The following GPR146 variants were observed in gnomAD, a reference collection of about 807,000 sequenced individuals.
The protein encoded by GPR146 is G protein-coupled receptor 146.
For missense variants in GPR146, 381 were observed against 213.9 expected (o/e 1.78, Z -4.87); for synonymous variants, 203 against 104.3 (o/e 1.95, Z -5.77).
chr7:1,053,391 C>A (rs779515966), intron 1 of GPR146, among the ~76,000 whole-genome samples: 1 of 152,256 alleles, frequency 6.6e-6, no homozygotes, highest in Admixed American at 6.5e-5. Context: ...AGCTCAGTGA[C>A]AGGGAGCTGG....
At chr7:1,049,299 T>C (rs1405620236) in intron 1 of GPR146, among the ~76,000 whole-genome samples, 1 of 152,250 alleles carries the variant, frequency 6.6e-6, no homozygotes, top group Admixed American at 6.5e-5. Context: ...GCCAAAGATC[T>C]GCAGGCGTCA....
At chr7:1,050,590 C>T (rs538302396) in intron 1 of GPR146, among the ~76,000 whole-genome samples, 5 of 152,346 alleles carry the variant, frequency 3.3e-5, no homozygotes, top group African/African-American at 9.6e-5. Context: ...TGCAGGCGGA[C>T]GGACGCGGGA....
chr7:1,046,783 T>C lies in GPR146; in HGVS notation c.-25+2125T>C, dbSNP rs181091668. Among the ~76,000 whole-genome samples, 12 of 152,284 alleles carry C rather than the reference T, an allele frequency of 7.9e-5. No individual in the cohort carries two copies. In the East Asian group the frequency reaches 2.3e-3, roughly 29 times the overall value. On this transcript the variant is annotated intron_variant, in intron 1 of 1. Coordinates refer to ENST00000444847, the MANE Select transcript of GPR146 (RefSeq NM_001303473.2). ...GTCCCTTCCTGCAAAGGCCAAGGAC[T>C]TTCCCCATTTTAATTGGAACCAAAG...
In GPR146 at chr7:1,044,638, C is replaced by G. The variant is rs997553018; in HGVS notation, c.-45C>G. On this transcript the variant is annotated 5_prime_UTR_variant, in exon 1 of 2. Transcript: ENST00000444847. ...GCTGCCCGCCCGGCGGCGACTGCGC[C>G]GGCCGCCGCCCAGCAAGCCGGTGAG... The G allele has an allele frequency of 6.6e-5, 10 of 151,772 alleles. No homozygotes were observed. The highest frequency in any genetic ancestry group is 1.5e-4 in the Non-Finnish European group (10 of 67,906). 9.4% of individuals were successfully genotyped at this position (151,772 alleles called of 1,614,324 possible).
intron 1 of GPR146, among the ~76,000 whole-genome samples, chr7:1,046,084 A>AC (rs1782549408): frequency 6.6e-6 from 1 of 152,140 alleles, no homozygotes; most frequent in Admixed American, 6.5e-5. Flanking sequence ...TATGTCTATC[A>AC]TACAATGAAT....
chr7:1,055,680 G>A (rs1156554929), intron 1 of GPR146, among the ~76,000 whole-genome samples: 4 of 152,188 alleles, frequency 2.6e-5, no homozygotes, highest in Non-Finnish European at 4.4e-5. Flanking sequence ...GAGGGGTCCC[G>A]GCCCTTGGCA....
At chr7:1,051,133 C>T (rs1783073866) in intron 1 of GPR146, among the ~76,000 whole-genome samples, 1 of 152,244 alleles carries the variant, frequency 6.6e-6, no homozygotes, top group Admixed American at 6.5e-5. Flanking sequence ...GCTCCCAGGC[C>T]CTACAAGCAG....
At chr7:1,054,332 A>T (rs77868187) in intron 1 of GPR146, among the ~76,000 whole-genome samples, 3 of 152,190 alleles carry the variant, frequency 2.0e-5, no homozygotes, top group Non-Finnish European at 4.4e-5. Context: ...GGTGAACTGC[A>T]CAGAGAGCAA....
In GPR146 at chr7:1,057,492, G is replaced by T; in HGVS notation, c.-24G>T. On this transcript the variant is annotated splice_region_variant and 5_prime_UTR_variant, in exon 2 of 2. Coordinates refer to ENST00000444847, the MANE Select transcript of GPR146 (RefSeq NM_001303473.2). ...GACCACCTGTTCCTTCTTTCCGCAG[G>T]GTCGCGGAGCCTCGCCGGCCGCCAT... is the stretch of plus-strand genomic sequence containing the variant. 1 of 743,784 alleles carries T rather than the reference G, an allele frequency of 1.3e-6. No individual in the cohort carries two copies. 46.1% of individuals were successfully genotyped at this position (743,784 alleles called of 1,614,324 possible).
intron 1 of GPR146, chr7:1,056,944 C>T (rs944726896): frequency 6.4e-6 from 1 of 155,730 alleles, no homozygotes; most frequent in Non-Finnish European, 1.4e-5. Context: ...TCAAGACTGG[C>T]TATGTCCCCA....
chr7:1,046,976 G>A (rs1782640613), intron 1 of GPR146, among the ~76,000 whole-genome samples: 1 of 152,204 alleles, frequency 6.6e-6, no homozygotes, highest in Non-Finnish European at 1.5e-5. Context: ...GAGGAGCCCC[G>A]GCAGGTGCCA....
At chr7:1,049,841 G>A (rs187917702) in intron 1 of GPR146, among the ~76,000 whole-genome samples, 5 of 152,308 alleles carry the variant, frequency 3.3e-5, no homozygotes, top group Admixed American at 6.5e-5. Context: ...TGACAGAGAA[G>A]CCACCAAGGT....
At chr7:1,055,586 A>T (rs986661156) in intron 1 of GPR146, 4 of 378,882 alleles carry the variant, frequency 1.1e-5, no homozygotes, top group Non-Finnish European at 2.1e-5. Flanking sequence ...CACAGGTGGG[A>T]GAGAGGACGC....
At chr7:1,051,068 A>G (rs908653357) in intron 1 of GPR146, among the ~76,000 whole-genome samples, 1 of 152,058 alleles carries the variant, frequency 6.6e-6, no homozygotes. Flanking sequence ...CCCAGAGGCC[A>G]CCCCTGCGTC....
chr7:1,048,260 C>T (rs1369925627), intron 1 of GPR146, among the ~76,000 whole-genome samples: 2 of 152,184 alleles, frequency 1.3e-5, no homozygotes, highest in African/African-American at 4.8e-5. Context: ...TTGCCGGCCC[C>T]AGCTCTGACA....
chr7:1,057,087 A>G (rs1394500404), intron 1 of GPR146, among the ~76,000 whole-genome samples: 1 of 151,996 alleles, frequency 6.6e-6, no homozygotes, highest in Non-Finnish European at 1.5e-5. Flanking sequence ...GACCGTCCAC[A>G]TTGCCTGTCC....
Position 1,058,708 on chromosome 7 carries a change from C to A in GPR146, c.*191C>A, listed in dbSNP as rs1583617395. On this transcript the variant is annotated 3_prime_UTR_variant, in exon 2 of 2. Transcript: ENST00000444847. ...AGGCTGTGGTCCCCGTGGCTGGCAT[C>A]TGGCTTGAGTCTCCCCGAGGCCTGT... 16 of 601,812 alleles carry A rather than the reference C, an allele frequency of 2.7e-5. No individual in the cohort carries two copies. The East Asian group carries it at 4.2e-4, about 16-fold the overall frequency. The allele number at this position is 601,812 out of a possible 1,614,324, so 37.3% of individuals were successfully genotyped here. A position where few individuals can be genotyped will look rare whatever the true frequency, so the allele number is the denominator to read the frequency against.
chr7:1,048,664 T>G (rs1392226608), intron 1 of GPR146, among the ~76,000 whole-genome samples: 1 of 152,234 alleles, frequency 6.6e-6, no homozygotes, highest in Non-Finnish European at 1.5e-5. Context: ...CTTTGGGCTC[T>G]TTTTAAATAA....
intron 1 of GPR146, among the ~76,000 whole-genome samples, chr7:1,053,584 T>C (rs1294639566): frequency 6.6e-6 from 1 of 152,138 alleles, no homozygotes. Flanking sequence ...TCCCAGCACT[T>C]TGGGAGGCCG....
Sources: gnomAD v4.1 joint callset for allele counts (sites outside exome capture counted in the v4.1 genomes callset) on GRCh38, gnomAD v4.1.1 for gene constraint, MANE v1.5 for transcripts, NCBI Gene and HGNC (gene_info 2026-07-23, HGNC 2026-07-21) for gene names.